PDZRN3: variants seen among roughly 807,000 people sequenced by gnomAD.
The protein encoded by PDZRN3 is E3 ubiquitin-protein ligase PDZRN3.
PDZRN3 carries 38 observed loss-of-function variants against 85.7 expected under a neutral mutation model. That is an observed-to-expected ratio of 0.44 (90% CI 0.34 to 0.58). The LOEUF (loss-of-function observed/expected upper bound fraction) is 0.58, where lower values mean the gene tolerates loss of function less well. Ranked by LOEUF, PDZRN3 falls within the 20% of genes least tolerant of loss-of-function variation. PDZRN3 has a pLI of 0.01. For missense variants in PDZRN3, 1,629 were observed against 1,506.4 expected (o/e 1.08, Z -1.35); for synonymous variants, 759 against 638.0 (o/e 1.19, Z -2.86).
Position 73,607,918 on chromosome 3 carries a change from A to G in PDZRN3, c.810+680T>C, listed in dbSNP as rs111632432. On this transcript the variant is annotated intron_variant, in intron 2 of 9. Coordinates refer to ENST00000263666, the MANE Select transcript of PDZRN3 (RefSeq NM_015009.3). The stretch of plus-strand genomic sequence containing the variant: ...TACTTTCCTTTTAAGCTAATAAACA[A>G]GGAGATGGTCAGGAAAAGAAAAGGG... 2.3e-3 allele frequency among the ~76,000 whole-genome samples: 346 copies of G among 152,322 alleles called. 2 individuals are homozygous for G. The highest frequency in any genetic ancestry group is 0.014 in the Middle Eastern group (4 of 294).
chr3:73,525,042 T>G (rs1312210951), intron 3 of PDZRN3, among the ~76,000 whole-genome samples: 1 of 148,578 alleles, frequency 6.7e-6, no homozygotes, highest in South Asian at 2.1e-4. Context: ...AAATTATATA[T>G]ATTATCTATA....
At chr3:73,537,212 C>T (rs1226898752) in intron 3 of PDZRN3, among the ~76,000 whole-genome samples, 1 of 152,178 alleles carries the variant, frequency 6.6e-6, no homozygotes, top group African/African-American at 2.4e-5. Context: ...GGATCTTCAT[C>T]CTCTTTCCAA....
chr3:73,592,285 C>T (rs1392069596), intron 3 of PDZRN3, among the ~76,000 whole-genome samples: 1 of 152,130 alleles, frequency 6.6e-6, no homozygotes, highest in Non-Finnish European at 1.5e-5. Context: ...CAATTTTGCT[C>T]CACCCCAGAG....
At chr3:73,530,491 T>C (rs2106753146) in intron 3 of PDZRN3, among the ~76,000 whole-genome samples, 1 of 152,322 alleles carries the variant, frequency 6.6e-6, no homozygotes, top group Non-Finnish European at 1.5e-5. Flanking sequence ...GAGAATTTTT[T>C]TTTAAATCAA....
Position 73,388,087 on chromosome 3 carries a change from G to C in PDZRN3, c.1417-18C>G. The C allele has an allele frequency of 1.7e-6, 2 of 1,153,872 alleles. No individual in the cohort carries two copies. Among genetic ancestry groups the C allele is most frequent in the South Asian group, 2.9e-5 (2 of 70,172 alleles). The allele number at this position is 1,153,872 out of a possible 1,614,324, so 71.5% of individuals were successfully genotyped here. A position where few individuals can be genotyped will look rare whatever the true frequency, so the allele number is the denominator to read the frequency against. On this transcript the variant is annotated intron_variant, in intron 7 of 9. Coordinates refer to ENST00000263666, the MANE Select transcript of PDZRN3 (RefSeq NM_015009.3). ...CCATTAATCTTTTAAAAAAAAAGGG[G>C]GGGTGGGGAGAGTGGGGAGACAAAT...
chr3:73,473,567 G>A (rs369888973), intron 3 of PDZRN3, among the ~76,000 whole-genome samples: 1 of 152,190 alleles, frequency 6.6e-6, no homozygotes, highest in Non-Finnish European at 1.5e-5. Flanking sequence ...GGTAAGAAGA[G>A]TAAGGGAGAA....
intron 3 of PDZRN3, among the ~76,000 whole-genome samples, chr3:73,566,250 G>A (rs9310272): frequency 0.89 from 135,789 of 152,266 alleles, 60,611 homozygotes; most frequent in African/African-American, 0.94. Flanking sequence ...CCTCTAGTAC[G>A]AGGATTGCAG....
At chr3:73,475,469 G>A (rs1369585529) in intron 3 of PDZRN3, among the ~76,000 whole-genome samples, 2 of 152,058 alleles carry the variant, frequency 1.3e-5, no homozygotes, top group Admixed American at 1.3e-4. Flanking sequence ...CCCCAACTCT[G>A]AACCCATTAT....
At chr3:73,449,366 T>TA (rs932369663) in intron 3 of PDZRN3, among the ~76,000 whole-genome samples, 41 of 145,138 alleles carry the variant, frequency 2.8e-4, no homozygotes, top group East Asian at 5.9e-4. Flanking sequence ...CATCAGTCTT[T>TA]AAAAAAAAAA....
At chr3:73,408,097 C>A (rs1312034002) in intron 3 of PDZRN3, 2 of 698,274 alleles carry the variant, frequency 2.9e-6, no homozygotes, top group East Asian at 5.4e-5. Flanking sequence ...AGTTTTCAAT[C>A]AAATACAGTT....
intron 3 of PDZRN3, among the ~76,000 whole-genome samples, chr3:73,573,310 C>T (rs1230215352): frequency 6.6e-6 from 1 of 152,182 alleles, no homozygotes; most frequent in Non-Finnish European, 1.5e-5. Context: ...AAGTGACAAT[C>T]TGCAATGTGG....
chr3:73,505,179 T>C (rs1287518010), intron 3 of PDZRN3, among the ~76,000 whole-genome samples: 2 of 152,232 alleles, frequency 1.3e-5, no homozygotes, highest in African/African-American at 4.8e-5. Flanking sequence ...AGAACTAAAC[T>C]ATACTTTTAT....
intron 3 of PDZRN3, among the ~76,000 whole-genome samples, chr3:73,510,040 G>C (rs1272942382): frequency 6.6e-6 from 1 of 152,202 alleles, no homozygotes; most frequent in African/African-American, 2.4e-5. Flanking sequence ...CTGGAGGTTG[G>C]GGGTGGAGGA....
intron 1 of PDZRN3, among the ~76,000 whole-genome samples, chr3:73,612,512 A>G (rs946511372): frequency 2.0e-5 from 3 of 152,242 alleles, no homozygotes; most frequent in Admixed American, 6.5e-5. Context: ...GAAAAGTATA[A>G]TAAGACTATT....
intron 2 of PDZRN3, among the ~76,000 whole-genome samples, chr3:73,602,753 T>A (rs930004481): frequency 6.6e-6 from 1 of 152,256 alleles, no homozygotes; most frequent in African/African-American, 2.4e-5. Flanking sequence ...GAAAACATTT[T>A]AACACATCAT....
At chr3:73,620,032 C>T (rs995715769) in intron 1 of PDZRN3, among the ~76,000 whole-genome samples, 4 of 152,140 alleles carry the variant, frequency 2.6e-5, no homozygotes, top group East Asian at 3.9e-4. Flanking sequence ...GGTAGATGCC[C>T]GGGATGTTGC....
At chr3:73,438,429 G>C (rs1702571632) in intron 3 of PDZRN3, among the ~76,000 whole-genome samples, 1 of 152,130 alleles carries the variant, frequency 6.6e-6, no homozygotes, top group Non-Finnish European at 1.5e-5. Flanking sequence ...ATACAACCTT[G>C]TTTTCTCTAT....
rs1209371798 is a variant in PDZRN3, at chr3:73,383,130, C to T, written c.*235G>A. 2 of 452,864 alleles carry T rather than the reference C, an allele frequency of 4.4e-6. No homozygotes were observed. The highest frequency in any genetic ancestry group is 7.7e-6 in the Non-Finnish European group (2 of 259,714). The allele number at this position is 452,864 out of a possible 1,614,324, so 28.1% of individuals were successfully genotyped here. ...GGGTACAGGTAGAAAAGTACAATTG[C>T]TATTTGAAAAAAGCTCTGTTTGTTA... On this transcript the variant is annotated 3_prime_UTR_variant, in exon 10 of 10. Transcript: ENST00000263666.
At chr3:73,495,129 C>A (rs1703843595) in intron 3 of PDZRN3, among the ~76,000 whole-genome samples, 1 of 152,104 alleles carries the variant, frequency 6.6e-6, no homozygotes, top group African/African-American at 2.4e-5. Flanking sequence ...CGCAATATGC[C>A]CATGTAACAA....
Sources: allele counts gnomAD v4.1 joint callset (sites outside exome capture counted in the v4.1 genomes callset), GRCh38; gene constraint gnomAD v4.1.1; transcripts MANE v1.5; gene names NCBI Gene and HGNC (gene_info 2026-07-23, HGNC 2026-07-21).